The following FANCD2 variants were observed in gnomAD, a reference collection of about 807,000 sequenced individuals.
FANCD2 encodes FA complementation group D2, also known as Fanconi anemia group D2 protein.
In FANCD2, 131 loss-of-function variants were observed where a neutral mutation model predicts 192.3. The ratio of observed to expected loss-of-function variants is 0.68; its 90% CI spans 0.59 to 0.79. The LOEUF (loss-of-function observed/expected upper bound fraction) is 0.79, where lower values mean the gene tolerates loss of function less well. FANCD2 is among the 30% of genes least tolerant of loss of function. FANCD2 has a pLI of 0.00. For missense variants in FANCD2, 1,508 were observed against 1,701.6 expected (o/e 0.89, Z 2.00); for synonymous variants, 524 against 612.5 (o/e 0.86, Z 2.13).
intron 18 of FANCD2, among the ~76,000 whole-genome samples, chr3:10,055,414 G>T (rs188383800): frequency 6.6e-6 from 1 of 151,940 alleles, no homozygotes; most frequent in African/African-American, 2.4e-5. Flanking sequence ...GGAATCATAC[G>T]ATATGTATCC....
chr3:10,056,926 C>T (rs750346438), intron 18 of FANCD2, among the ~76,000 whole-genome samples: 14 of 151,962 alleles, frequency 9.2e-5, no homozygotes, highest in Non-Finnish European at 1.9e-4. Flanking sequence ...GTTATCTTGG[C>T]TTACTGCAAC....
Position 10,047,905 on chromosome 3 carries a change from T to C in FANCD2, c.1279-12T>C. The C allele has an allele frequency of 6.2e-7, 1 of 1,612,208 alleles. No homozygotes were observed. The highest frequency in any genetic ancestry group is 2.2e-5 in the East Asian group (1 of 44,876). ...ACAGCTTCTTTTCTCTCTCTACTCT[T>C]CCCCACTCAAGGTTCTTAAGGATAT... On this transcript the variant is annotated splice_polypyrimidine_tract_variant and intron_variant, in intron 15 of 43. Coordinates refer to ENST00000675286, the MANE Select transcript of FANCD2 (RefSeq NM_001018115.3).
intron 43 of FANCD2, 30 bp downstream of exon 43, chr3:10,098,845 C>T (rs750261535): frequency 6.2e-7 from 1 of 1,614,212 alleles, no homozygotes; most frequent in Non-Finnish European, 8.5e-7. Flanking sequence ...CAGAGTCTGG[C>T]ACTGATGGTT....
chr3:10,067,324 G>A lies in FANCD2; in HGVS notation c.2494+7G>A. 2 of 1,560,510 alleles carry A rather than the reference G, an allele frequency of 1.3e-6. No homozygotes were observed. The highest frequency in any genetic ancestry group is 1.8e-6 in the Non-Finnish European group (2 of 1,132,246). On this transcript the variant is annotated splice_region_variant and intron_variant, in intron 26 of 43. Coordinates refer to ENST00000675286, the MANE Select transcript of FANCD2 (RefSeq NM_001018115.3). Reference sequence around the variant, plus strand: ...CTGGAAAAGTACTTGGCAGGTAAGAGAAGTGTCCTATACTGGTAGTACTAC... The same window carrying A: ...CTGGAAAAGTACTTGGCAGGTAAGAAAAGTGTCCTATACTGGTAGTACTAC...
At chr3:10,100,384 C>T (rs1014314047) in intron 43 of FANCD2, among the ~76,000 whole-genome samples, 5 of 152,068 alleles carry the variant, frequency 3.3e-5, no homozygotes, top group African/African-American at 1.2e-4. Flanking sequence ...CACAGCACTT[C>T]TTTTTTTGAG....
At chr3:10,078,696 G>T (rs1022174458) in intron 30 of FANCD2, among the ~76,000 whole-genome samples, 1 of 149,364 alleles carries the variant, frequency 6.7e-6, no homozygotes, top group Admixed American at 6.7e-5. Context: ...GGGCGTGGTG[G>T]CTCACGCCTG....
chr3:10,099,146 G>A (rs1695155510), intron 43 of FANCD2: 1 of 1,460,028 alleles, frequency 6.8e-7, no homozygotes, highest in Non-Finnish European at 9.0e-7. Flanking sequence ...TCTGAGTGTT[G>A]AGAAGAATGA....
chr3:10,095,080 T>C, intron 40 of FANCD2, 120 bp from the exon 41 acceptor site: 1 of 805,386 alleles, frequency 1.2e-6, no homozygotes, highest in East Asian at 2.7e-5. Context: ...AAGATGATTA[T>C]CAGCATAGGC....
intron 18 of FANCD2, among the ~76,000 whole-genome samples, chr3:10,056,009 G>T (rs544294179): frequency 9.2e-5 from 14 of 152,130 alleles, no homozygotes; most frequent in Non-Finnish European, 1.8e-4. Flanking sequence ...CTCCTGAGTA[G>T]CTGGGATTAT....
At chr3:10,099,210 T>C (rs776315102) in intron 43 of FANCD2, 20 of 1,368,642 alleles carry the variant, frequency 1.5e-5, no homozygotes, top group Non-Finnish European at 1.7e-5. Context: ...GTGAAAGCAT[T>C]TGGTGAAAGC....
At chr3:10,062,478 G>A (rs996509949) in intron 20 of FANCD2, among the ~76,000 whole-genome samples, 1 of 152,068 alleles carries the variant, frequency 6.6e-6, no homozygotes, top group African/African-American at 2.4e-5. Flanking sequence ...CTGAACTCAA[G>A]TGATCCACCT....
intron 42 of FANCD2, 122 bp from the exon 43 acceptor site, chr3:10,098,598 T>G: frequency 8.4e-7 from 1 of 1,194,378 alleles, no homozygotes; most frequent in Non-Finnish European, 1.2e-6. Context: ...GGTATCCATG[T>G]TTGCTGTGTT....
intron 32 of FANCD2, 96 bp from the exon 33 acceptor site, chr3:10,085,712 TTAAA>T: frequency 1.2e-6 from 1 of 838,232 alleles, no homozygotes; most frequent in Non-Finnish European, 2.1e-6. Context: ...TTTCAAACCG[TTAAA>T]CTATTGATGG....
intron 32 of FANCD2, among the ~76,000 whole-genome samples, chr3:10,082,817 A>G (rs141910244): frequency 2.0e-5 from 3 of 152,248 alleles, no homozygotes; most frequent in African/African-American, 4.8e-5. Flanking sequence ...CTTTCCTGCT[A>G]GACTCTGAGC....
intron 29 of FANCD2, among the ~76,000 whole-genome samples, chr3:10,076,916 A>G (rs899307085): frequency 1.3e-5 from 2 of 152,060 alleles, no homozygotes; most frequent in African/African-American, 4.8e-5. Flanking sequence ...CACATCAGCT[A>G]ATTTTTGTAT....
intron 39 of FANCD2, 108 bp downstream of exon 39, chr3:10,093,431 T>G (rs1265455470): frequency 2.1e-6 from 2 of 955,900 alleles, no homozygotes; most frequent in African/African-American, 3.2e-5. Flanking sequence ...AAGCCAGAGT[T>G]TCCAGAATCT....
intron 42 of FANCD2, among the ~76,000 whole-genome samples, chr3:10,098,473 G>A (rs1171231520): frequency 1.3e-5 from 2 of 152,118 alleles, no homozygotes; most frequent in African/African-American, 4.8e-5. Flanking sequence ...AAAATGTAGT[G>A]TGATACTAGC....
chr3:10,068,309 T>C (rs1470509338), intron 26 of FANCD2, among the ~76,000 whole-genome samples: 1 of 152,018 alleles, frequency 6.6e-6, no homozygotes, highest in Non-Finnish European at 1.5e-5. Flanking sequence ...AATCATCATA[T>C]AAAAATGAGT....
intron 8 of FANCD2, 132 bp downstream of exon 8, chr3:10,039,489 A>G (rs1267197756): frequency 2.1e-6 from 2 of 970,134 alleles, no homozygotes; most frequent in Non-Finnish European, 3.1e-6. Flanking sequence ...TCCAATTTTC[A>G]TAATTTGAGA....
Sources: gnomAD v4.1 joint callset for allele counts (sites outside exome capture counted in the v4.1 genomes callset) on GRCh38, gnomAD v4.1.1 for gene constraint, MANE v1.5 for transcripts, NCBI Gene and HGNC (gene_info 2026-07-23, HGNC 2026-07-21) for gene names.